GTF2IRD1: variants seen among roughly 807,000 people sequenced by gnomAD.
GTF2IRD1 encodes GTF2I repeat domain containing 1.
A neutral mutation model predicts 113.2 loss-of-function variants in GTF2IRD1; 26 were observed. The observed-to-expected ratio is 0.23, with a 90% CI of 0.17 to 0.32. The LOEUF is 0.32. Among genes scored for constraint, GTF2IRD1 ranks in the 10% least tolerant of loss-of-function variants. The pLI, the probability that GTF2IRD1 is intolerant of heterozygous loss-of-function variation, is 1.00. For missense variants in GTF2IRD1, 864 were observed against 1,280.8 expected (o/e 0.67, Z 4.97); for synonymous variants, 484 against 529.1 (o/e 0.91, Z 1.17).
intron 3 of GTF2IRD1, among the ~76,000 whole-genome samples, chr7:74,515,056 C>CCAA (rs1796847003): frequency 1.5e-5 from 1 of 66,796 alleles, no homozygotes; most frequent in Non-Finnish European, 2.9e-5. Context: ...GACTCTGTCT[C>CCAA]AAAAAAAAAA....
At chr7:74,539,790 G>T in intron 13 of GTF2IRD1, 89 bp from the exon 14 acceptor site, 1 of 856,938 alleles carries the variant, frequency 1.2e-6, no homozygotes, top group Middle Eastern at 3.5e-4. Flanking sequence ...CCTTGTCTGT[G>T]GGGAGACTGG....
At chr7:74,463,751 TCTCA>T (rs1554330040) in intron 1 of GTF2IRD1, among the ~76,000 whole-genome samples, 1 of 147,930 alleles carries the variant, frequency 6.8e-6, no homozygotes, top group Admixed American at 6.7e-5. Context: ...TGAGACAGAG[TCTCA>T]CTCTGTCGCC....
intron 16 of GTF2IRD1, among the ~76,000 whole-genome samples, chr7:74,546,607 G>A (rs1448560186): frequency 6.6e-6 from 1 of 152,152 alleles, no homozygotes; most frequent in Non-Finnish European, 1.5e-5. Flanking sequence ...CTGGTAAAGG[G>A]GTGTGACTCG....
At chr7:74,498,728 C>CTTCT (rs35989193) in intron 1 of GTF2IRD1, among the ~76,000 whole-genome samples, 26,652 of 144,282 alleles carry the variant, frequency 0.18, 2,481 homozygotes, top group Middle Eastern at 0.25. Flanking sequence ...TCCTGTAGTT[C>CTTCT]TTTTTTTTTT....
chr7:74,565,072 G>A (rs868944073), intron 22 of GTF2IRD1, among the ~76,000 whole-genome samples: 1 of 148,828 alleles, frequency 6.7e-6, no homozygotes, highest in African/African-American at 2.5e-5. Context: ...GGATGGGGGG[G>A]ACTGGGTCCC....
chr7:74,469,274 T>G (rs576349403), intron 1 of GTF2IRD1, among the ~76,000 whole-genome samples: 22 of 151,490 alleles, frequency 1.5e-4, no homozygotes, highest in Admixed American at 5.3e-4. Flanking sequence ...TGGATTTTCT[T>G]TTTTTTTGTA....
chr7:74,485,263 G>A (rs1554335381), intron 1 of GTF2IRD1, among the ~76,000 whole-genome samples: 1 of 152,224 alleles, frequency 6.6e-6, no homozygotes, highest in Non-Finnish European at 1.5e-5. Context: ...TTTCCTCAAT[G>A]GCCAGGATTG....
At chr7:74,553,802 C>T (rs1799450090) in intron 17 of GTF2IRD1, among the ~76,000 whole-genome samples, 1 of 152,158 alleles carries the variant, frequency 6.6e-6, no homozygotes, top group South Asian at 2.1e-4. Flanking sequence ...GCTTCTGCCT[C>T]TCTAAGTTTA....
At chr7:74,551,236 G>C (rs1217572476) in intron 17 of GTF2IRD1, among the ~76,000 whole-genome samples, 1 of 152,114 alleles carries the variant, frequency 6.6e-6, no homozygotes, top group Non-Finnish European at 1.5e-5. Context: ...CGAGCTCCTC[G>C]GGTGGCTGAG....
intron 6 of GTF2IRD1, among the ~76,000 whole-genome samples, chr7:74,520,043 TTGCACACCTC>T (rs1325573337): frequency 1.4e-5 from 2 of 138,308 alleles, no homozygotes; most frequent in Middle Eastern, 4.1e-3. Flanking sequence ...TGAGCTATGA[TTGCACACCTC>T]TGCACTCCAG....
At chr7:74,522,925 CTTG>C (rs1335454752) in intron 7 of GTF2IRD1, among the ~76,000 whole-genome samples, 2 of 152,306 alleles carry the variant, frequency 1.3e-5, no homozygotes, top group South Asian at 4.1e-4. Flanking sequence ...CCAATGATCA[CTTG>C]TTATTATTCA....
intron 11 of GTF2IRD1, among the ~76,000 whole-genome samples, chr7:74,537,094 G>A (rs1178829159): frequency 6.6e-6 from 1 of 152,094 alleles, no homozygotes; most frequent in African/African-American, 2.4e-5. Context: ...CTGGGCAACA[G>A]AGTAAAGACC....
At chr7:74,477,348 T>G (rs1438519180) in intron 1 of GTF2IRD1, among the ~76,000 whole-genome samples, 1 of 89,366 alleles carries the variant, frequency 1.1e-5, no homozygotes, top group African/African-American at 5.5e-5. Flanking sequence ...TGGGCGACAG[T>G]TTTTTTTTTG....
intron 1 of GTF2IRD1, among the ~76,000 whole-genome samples, chr7:74,501,819 T>C (rs1448038844): frequency 1.3e-5 from 2 of 152,146 alleles, no homozygotes; most frequent in Non-Finnish European, 2.9e-5. Flanking sequence ...GCCTGGCTAA[T>C]TTTTAAATTT....
Position 74,524,167 on chromosome 7 carries a change from C to A in GTF2IRD1, c.1090+13C>A, listed in dbSNP as rs782177672. 17 of 1,579,798 alleles carry A rather than the reference C, an allele frequency of 1.1e-5. No individual in the cohort carries two copies. The South Asian group carries it at 1.9e-4, about 18-fold the overall frequency. On this transcript the variant is annotated intron_variant, in intron 8 of 26. Transcript: ENST00000424337. ...AACAGCAGATATGGTGAGTGGGCGG[C>A]GCGGCCCGCCGTGTGGCCCCAGCAG...
intron 1 of GTF2IRD1, among the ~76,000 whole-genome samples, chr7:74,476,589 C>T (rs1395721092): frequency 6.6e-6 from 1 of 151,992 alleles, no homozygotes; most frequent in Non-Finnish European, 1.5e-5. Flanking sequence ...ATCTCAAACT[C>T]CTGACCTTAA....
intron 1 of GTF2IRD1, among the ~76,000 whole-genome samples, chr7:74,469,327 T>G (rs1793944537): frequency 6.6e-6 from 1 of 151,938 alleles, no homozygotes; most frequent in Non-Finnish European, 1.5e-5. Flanking sequence ...TAATTCAGTG[T>G]TTTTTTTAAA....
At chr7:74,532,267 C>T (rs1323558121) in intron 9 of GTF2IRD1, among the ~76,000 whole-genome samples, 1 of 152,172 alleles carries the variant, frequency 6.6e-6, no homozygotes, top group Non-Finnish European at 1.5e-5. Context: ...AATAATAAAA[C>T]TGCAGGCTGG....
At chr7:74,463,716 C>G (rs1300132010) in intron 1 of GTF2IRD1, among the ~76,000 whole-genome samples, 1 of 150,182 alleles carries the variant, frequency 6.7e-6, no homozygotes, top group Non-Finnish European at 1.5e-5. Context: ...AGTAGGACCA[C>G]TGTTGTTTTT....
Sources: gnomAD v4.1 joint callset for allele counts (sites outside exome capture counted in the v4.1 genomes callset) on GRCh38, gnomAD v4.1.1 for gene constraint, MANE v1.5 for transcripts, NCBI Gene and HGNC (gene_info 2026-07-23, HGNC 2026-07-21) for gene names.